Variants in AKNAD1 observed in about 807,000 individuals in gnomAD.
The protein encoded by AKNAD1 is protein AKNAD1.
Under a neutral mutation model 90.8 loss-of-function variants are expected in AKNAD1, and 67 were observed. The observed-to-expected ratio is 0.74, with a 90% confidence interval of 0.61 to 0.90. The LOEUF is 0.90. Ranked by LOEUF, AKNAD1 falls within the 40% of genes least tolerant of loss-of-function variation. The pLI, the probability that AKNAD1 is intolerant of heterozygous loss-of-function variation, is 0.00. For synonymous variants in AKNAD1, 327 were observed against 341.4 expected (o/e 0.96, Z 0.46); for missense variants, 957 against 975.4 (o/e 0.98, Z 0.25).
chr1:108,842,494 T>A (rs1348021471), intron 6 of AKNAD1, among the ~76,000 whole-genome samples: 1 of 152,252 alleles, frequency 6.6e-6, no homozygotes, highest in Non-Finnish European at 1.5e-5. Flanking sequence ...TTGGAGTGTG[T>A]GTTCAAGATT....
At chr1:108,840,315 A>G (rs1664512841) in intron 6 of AKNAD1, among the ~76,000 whole-genome samples, 1 of 152,342 alleles carries the variant, frequency 6.6e-6, no homozygotes, top group Non-Finnish European at 1.5e-5. Context: ...CTATGACATC[A>G]ATTAGAGAAA....
intron 14 of AKNAD1, 36 bp from the exon 15 acceptor site, chr1:108,817,213 C>A (rs1663641115): frequency 1.2e-6 from 2 of 1,611,250 alleles, no homozygotes; most frequent in Non-Finnish European, 8.5e-7. Flanking sequence ...TTGTGTCAAG[C>A]GCCACCCTCA....
At chr1:108,827,444 G>C (rs1664040558) in intron 10 of AKNAD1, 142 bp from the exon 11 acceptor site, 1 of 625,534 alleles carries the variant, frequency 1.6e-6, no homozygotes, top group African/African-American at 1.8e-5. Context: ...TCTACACAGA[G>C]CTCTCCTCTG....
rs1664337258 is a variant in AKNAD1 at position 108,835,013 on chromosome 1, G to C, written c.1580C>G (p.Ser527Ter). 1.3e-6 allele frequency: 2 copies of C among 1,570,014 alleles called. No homozygotes were observed. The highest frequency in any genetic ancestry group is 2.1e-5 in the Admixed American group (1 of 48,346). Residue 527 changes from serine (S) to a stop codon, truncating the protein, a stop_gained, in exon 8 of 16, where the codon TCA becomes TGA. Coordinates refer to ENST00000370001, the MANE Select transcript of AKNAD1 (RefSeq NM_152763.5). LOFTEE classifies it high-confidence loss of function. ...TGTCCCTGTTACCTCACTCCCACCTGAGCCTCGAGGCCCAGAAGGGTGGCC... is the reference window on the plus strand; with the variant it reads ...TGTCCCTGTTACCTCACTCCCACCTCAGCCTCGAGGCCCAGAAGGGTGGCC... ...HPGHPSGPRG[S>*]GGSEVTGTPQ...
rs765740896 is a variant in AKNAD1 at position 108,837,600 on chromosome 1, G to C, written c.1486C>G (p.Pro496Ala). The change falls in exon 7 of 16, where the codon CCA (proline) becomes GCA (alanine). Residue 496 changes from proline to alanine, a missense_variant. Coordinates refer to ENST00000370001, the MANE Select transcript of AKNAD1 (RefSeq NM_152763.5). Reference protein sequence around the residue: ...TSAPSLPVSSPVTLDDLASTF... With the variant: ...TSAPSLPVSSAVTLDDLASTF... ...GAGGCCAAGTCATCCAGGGTAACTG[G>C]AGAACTCACAGGAAGGGAAGGAGCT... The C allele has an allele frequency of 1.2e-5, 19 of 1,614,032 alleles. No individual in the cohort carries two copies. Among genetic ancestry groups the C allele is most frequent in the Non-Finnish European group, 1.3e-5 (15 of 1,180,038 alleles).
At chr1:108,845,695 G>A (rs1664682614) in intron 5 of AKNAD1, among the ~76,000 whole-genome samples, 1 of 152,226 alleles carries the variant, frequency 6.6e-6, no homozygotes, top group South Asian at 2.1e-4. Flanking sequence ...AGCTTGGGAA[G>A]TGAGAAGAAT....
chr1:108,828,320 G>T (rs568878055), intron 10 of AKNAD1, among the ~76,000 whole-genome samples: 1 of 151,826 alleles, frequency 6.6e-6, no homozygotes, highest in East Asian at 2.0e-4. Context: ...AGAAGCAACT[G>T]CAATGGACAT....
chr1:108,845,408 C>G (rs1013540018), intron 5 of AKNAD1, among the ~76,000 whole-genome samples: 1 of 152,212 alleles, frequency 6.6e-6, no homozygotes, highest in Admixed American at 6.5e-5. Flanking sequence ...CCACCAAAAG[C>G]CACAGGGCTT....
intron 15 of AKNAD1, among the ~76,000 whole-genome samples, chr1:108,816,616 T>C (rs1663616641): frequency 6.6e-6 from 1 of 152,024 alleles, no homozygotes; most frequent in African/African-American, 2.4e-5. Flanking sequence ...TAGAGGCCAT[T>C]GATGGGGATT....
chr1:108,822,414 G>A (rs1663845266), intron 13 of AKNAD1, among the ~76,000 whole-genome samples: 1 of 152,196 alleles, frequency 6.6e-6, no homozygotes, highest in African/African-American at 2.4e-5. Flanking sequence ...CATGACAAGT[G>A]TCACAGGCTG....
At chr1:108,852,791 A>G in intron 1 of AKNAD1, 24 bp from the exon 2 acceptor site, 2 of 773,064 alleles carry the variant, frequency 2.6e-6, no homozygotes, top group Non-Finnish European at 3.9e-6. Flanking sequence ...GAACAGCCTC[A>G]TTGTTAAATA....
intron 1 of AKNAD1, among the ~76,000 whole-genome samples, chr1:108,854,110 G>A (rs898376251): frequency 6.6e-6 from 1 of 152,188 alleles, no homozygotes; most frequent in Non-Finnish European, 1.5e-5. Context: ...CGGCGGTCTG[G>A]TGGTACCAGA....
intron 14 of AKNAD1, among the ~76,000 whole-genome samples, chr1:108,819,435 T>C (rs1690739): frequency 0.28 from 41,841 of 147,660 alleles, 6,626 homozygotes; most frequent in East Asian, 0.69. Flanking sequence ...CTGGGCAACA[T>C]AGTAAGACCC....
chr1:108,852,030 A>G lies in AKNAD1; in HGVS notation c.635T>C (p.Val212Ala). 1 of 1,613,950 alleles carries G rather than the reference A, an allele frequency of 6.2e-7. No homozygotes were observed. The highest frequency in any genetic ancestry group is 1.3e-5 in the African/African-American group (1 of 74,946). ...AAGDSSHQEN[V>A]NVLTKTKGPG... ...ACCCTTGGTTTTAGTTAGAACATTC[A>G]CATTTTCTTGATGGCTGCTATCTCC... The change falls in exon 2 of 16, where the codon GTG (valine) becomes GCG (alanine). Residue 212 changes from valine to alanine, a missense_variant. Val to Ala is a moderately conservative substitution (Grantham distance 64). Coordinates refer to ENST00000370001, the MANE Select transcript of AKNAD1 (RefSeq NM_152763.5).
Position 108,852,058 on chromosome 1 carries a change from C to A in AKNAD1, c.607G>T (p.Ala203Ser), listed in dbSNP as rs1324556952. ...TTTTCTTGATGGCTGCTATCTCCAG[C>A]AGCCACTGGCCCTTCTAAATCAGAG... ...NTSDLEGPVA[A>S]GDSSHQENVN... The change falls in exon 2 of 16, where the codon GCT (alanine) becomes TCT (serine). Residue 203 changes from alanine (A) to serine (S), a missense_variant. Transcript: ENST00000370001. The A allele has an allele frequency of 1.9e-6, 3 of 1,614,052 alleles. No homozygotes were observed. Among genetic ancestry groups the A allele is most frequent in the Non-Finnish European group, 2.5e-6 (3 of 1,180,028 alleles).
chr1:108,848,215 G>T (rs983183861), intron 5 of AKNAD1, among the ~76,000 whole-genome samples: 3 of 152,096 alleles, frequency 2.0e-5, no homozygotes, highest in Non-Finnish European at 2.9e-5. Context: ...TCACCCCATT[G>T]CTCCACCCCC....
At chr1:108,848,230 C>A (rs1767040) in intron 5 of AKNAD1, among the ~76,000 whole-genome samples, 128,919 of 151,704 alleles carry the variant, frequency 0.85, 55,040 homozygotes, top group South Asian at 0.91. Context: ...ACCCCCTTCC[C>A]ATGATCCTGG....
At chr1:108,842,982 G>A (rs1242768955) in intron 6 of AKNAD1, 152 bp downstream of exon 6, 2 of 952,200 alleles carry the variant, frequency 2.1e-6, no homozygotes, top group East Asian at 2.4e-5. Flanking sequence ...GCTGTCTGTG[G>A]TATTAGGTGA....
At chr1:108,832,993 A>G (rs1274305129) in intron 9 of AKNAD1, among the ~76,000 whole-genome samples, 1 of 152,192 alleles carries the variant, frequency 6.6e-6, no homozygotes, top group East Asian at 1.9e-4. Flanking sequence ...GAAATGATCA[A>G]CTACAAATGT....
Sources: gnomAD v4.1 joint callset for allele counts (sites outside exome capture counted in the v4.1 genomes callset) on GRCh38, gnomAD v4.1.1 for gene constraint, MANE v1.5 for transcripts, NCBI Gene and HGNC (gene_info 2026-07-23, HGNC 2026-07-21) for gene names.